The following ITGAV variants were observed in gnomAD, a reference collection of about 807,000 sequenced individuals.
ITGAV encodes the protein integrin alpha-V.
A neutral mutation model predicts 143.8 loss-of-function variants in ITGAV; 76 were observed. That is an observed-to-expected ratio of 0.53 (90% CI 0.44 to 0.64). ITGAV has a LOEUF of 0.64. ITGAV is among the 30% of genes least tolerant of loss of function. The probability of loss-of-function intolerance (pLI) is 0.00; values close to 1 mark genes in which losing one functional copy is unlikely to be tolerated. For missense variants in ITGAV, 1,193 were observed against 1,274.7 expected (o/e 0.94, Z 0.98); for synonymous variants, 453 against 446.7 (o/e 1.01, Z -0.18).
chr2:186,645,943 G>A lies in ITGAV; in HGVS notation c.1160-743G>A, dbSNP rs375878741. On this transcript the variant is annotated intron_variant, in intron 12 of 29. Coordinates refer to ENST00000261023, the MANE Select transcript of ITGAV (RefSeq NM_002210.5). ...GCCAAGATTGTGCCACTGCACTCCA[G>A]CCTGGGGAAAAGAGCGGGACTCTGT... 5.8e-4 allele frequency among the ~76,000 whole-genome samples: 88 copies of A among 152,244 alleles called. 1 individual carries two copies. In the South Asian group the frequency reaches 0.017, roughly 29 times the overall value.
chr2:186,647,258 C>T (rs1339990724), intron 13 of ITGAV, among the ~76,000 whole-genome samples: 3 of 141,972 alleles, frequency 2.1e-5, no homozygotes, highest in Admixed American at 1.4e-4. Context: ...TTTTTTAAGA[C>T]AAGGTATGTC....
chr2:186,591,154 C>T (rs1000157550), intron 1 of ITGAV, among the ~76,000 whole-genome samples: 2 of 152,128 alleles, frequency 1.3e-5, no homozygotes, highest in African/African-American at 4.8e-5. Context: ...GTCATCTGTT[C>T]TTTTTATAGT....
chr2:186,592,311 C>T (rs553582814), intron 1 of ITGAV, among the ~76,000 whole-genome samples: 57 of 152,248 alleles, frequency 3.7e-4, no homozygotes, highest in African/African-American at 1.3e-3. Flanking sequence ...TGGTGGTGCA[C>T]ACCTGTAATC....
intron 2 of ITGAV, among the ~76,000 whole-genome samples, chr2:186,602,895 AG>A (rs1471431886): frequency 7.5e-6 from 1 of 132,672 alleles, no homozygotes; most frequent in Non-Finnish European, 1.6e-5. Flanking sequence ...AAAAAAAAAA[AG>A]CAGTGGAGGA....
At chr2:186,676,964 G>A in intron 29 of ITGAV, 29 bp downstream of exon 29, 1 of 1,605,488 alleles carries the variant, frequency 6.2e-7, no homozygotes. Flanking sequence ...AAGAAGGAGA[G>A]AGGGAAAGCA....
At chr2:186,671,182 T>C (rs1689051519) in intron 26 of ITGAV, among the ~76,000 whole-genome samples, 1 of 152,158 alleles carries the variant, frequency 6.6e-6, no homozygotes, top group Non-Finnish European at 1.5e-5. Flanking sequence ...TTGTATGCTA[T>C]AGAAGCCCCA....
intron 12 of ITGAV, among the ~76,000 whole-genome samples, chr2:186,643,441 T>C (rs929499419): frequency 1.3e-5 from 2 of 152,228 alleles, no homozygotes; most frequent in Non-Finnish European, 2.9e-5. Flanking sequence ...ATCTGAGCTG[T>C]ATTTATGTAT....
At chr2:186,607,522 C>G (rs1318146736) in intron 2 of ITGAV, among the ~76,000 whole-genome samples, 1 of 151,972 alleles carries the variant, frequency 6.6e-6, no homozygotes, top group Non-Finnish European at 1.5e-5. Flanking sequence ...GAACTTCTGT[C>G]AACCTGAGGC....
At chr2:186,594,247 A>G (rs1686688602) in intron 1 of ITGAV, among the ~76,000 whole-genome samples, 1 of 152,208 alleles carries the variant, frequency 6.6e-6, no homozygotes, top group African/African-American at 2.4e-5. Flanking sequence ...TTGACTAAAA[A>G]GTCTTCACCA....
rs552016121 is a variant in ITGAV, at chr2:186,650,470, G to A, written c.1397+585G>A. ...CCGTCTCAGCCTCCCAAAATGCTGGGATTACTGTTATGAGCCACTGTGCCC... is the reference window on the plus strand; with the variant it reads ...CCGTCTCAGCCTCCCAAAATGCTGGAATTACTGTTATGAGCCACTGTGCCC... On this transcript the variant is annotated intron_variant, in intron 14 of 29. Coordinates refer to ENST00000261023, the MANE Select transcript of ITGAV (RefSeq NM_002210.5). 9.2e-5 allele frequency among the ~76,000 whole-genome samples: 14 copies of A among 152,000 alleles called. No individual in the cohort carries two copies. The South Asian group carries it at 2.9e-3, about 32-fold the overall frequency.
Position 186,669,768 on chromosome 2 carries a change from T to C in ITGAV, c.2660T>C (p.Ile887Thr). The C allele has an allele frequency of 1.2e-6, 2 of 1,614,148 alleles. No homozygotes were observed. Among genetic ancestry groups the C allele is most frequent in the Non-Finnish European group, 1.7e-6 (2 of 1,180,004 alleles). ...GGGCAAGGTGAGCGGGACCATCTCATCACTAAGCGGGATCTTGCCCTCAGT... is the reference window on the plus strand; with the variant it reads ...GGGCAAGGTGAGCGGGACCATCTCACCACTAAGCGGGATCTTGCCCTCAGT... ...VAGQGERDHL[I>T]TKRDLALSEG... The change falls in exon 26 of 30, where the codon ATC becomes ACC. Residue 887 changes from isoleucine (I) to threonine (T), a missense_variant. Ile to Thr is a moderately conservative substitution (Grantham distance 89, BLOSUM62 -1). Transcript: ENST00000261023.
intron 7 of ITGAV, 132 bp downstream of exon 7, chr2:186,636,339 A>G (rs929357667): frequency 1.4e-6 from 1 of 695,608 alleles, no homozygotes; most frequent in African/African-American, 1.8e-5. Context: ...AGAATATACA[A>G]TTTCAAATTG....
chr2:186,593,244 A>G (rs1686662694), intron 1 of ITGAV, among the ~76,000 whole-genome samples: 1 of 152,070 alleles, frequency 6.6e-6, no homozygotes, highest in Non-Finnish European at 1.5e-5. Context: ...TTTATGCCTA[A>G]TTTTTCTCTT....
At position 186,600,251 on chromosome 2, in the gene ITGAV, A is replaced by G; in HGVS notation, c.186-1770A>G. 9.5e-6 allele frequency: 12 copies of G among 1,256,748 alleles called. No homozygotes were observed. In the South Asian group the frequency reaches 1.7e-4, roughly 17 times the overall value. The allele number at this position is 1,256,748 out of a possible 1,614,324, so 77.8% of individuals were successfully genotyped here. On this transcript the variant is annotated intron_variant, in intron 1 of 29. Transcript: ENST00000261023. ...AATTCTTTCTTGCCAGGGTCTTTCT[A>G]CCTCTGCCTCACATATTCCCTCCAT... is the stretch of plus-strand genomic sequence containing the variant.
At chr2:186,627,267 A>G (rs1162491209) in intron 4 of ITGAV, among the ~76,000 whole-genome samples, 2 of 152,230 alleles carry the variant, frequency 1.3e-5, no homozygotes, top group Admixed American at 6.5e-5. Context: ...CAGGATACAT[A>G]TAGAGTAAGT....
chr2:186,653,093 C>T (rs2105728491), intron 15 of ITGAV, among the ~76,000 whole-genome samples: 1 of 151,970 alleles, frequency 6.6e-6, no homozygotes, highest in South Asian at 2.1e-4. Context: ...CTACAGGCGC[C>T]CACCAACACG....
At chr2:186,629,145 A>G (rs923483526) in intron 4 of ITGAV, among the ~76,000 whole-genome samples, 12 of 152,100 alleles carry the variant, frequency 7.9e-5, no homozygotes, top group Non-Finnish European at 1.6e-4. Context: ...TAATTACCAG[A>G]CTTAACAAAT....
intron 2 of ITGAV, among the ~76,000 whole-genome samples, chr2:186,622,091 T>C (rs1402385767): frequency 6.6e-6 from 1 of 152,214 alleles, no homozygotes; most frequent in Non-Finnish European, 1.5e-5. Context: ...CAATTGCTTT[T>C]TCAATCATGT....
chr2:186,636,479 C>A (rs957171494), intron 7 of ITGAV, among the ~76,000 whole-genome samples: 11 of 152,258 alleles, frequency 7.2e-5, no homozygotes, highest in Admixed American at 2.6e-4. Context: ...TTCAAGGTGA[C>A]TTGGTTTGTA....
Sources: allele counts gnomAD v4.1 joint callset (sites outside exome capture counted in the v4.1 genomes callset), GRCh38; gene constraint gnomAD v4.1.1; transcripts MANE v1.5; gene names NCBI Gene and HGNC (gene_info 2026-07-23, HGNC 2026-07-21).